Variants in MALRD1 observed in about 807,000 individuals in gnomAD.
MALRD1 encodes MAM and LDL receptor class A domain containing 1.
In MALRD1, 247 loss-of-function variants were observed where a neutral mutation model predicts 242.1. The observed-to-expected ratio is 1.02, with a 90% CI of 0.92 to 1.13. The LOEUF (loss-of-function observed/expected upper bound fraction) is 1.13. Among genes scored for constraint, MALRD1 ranks in the 50% most tolerant of loss-of-function variants. The probability of loss-of-function intolerance (pLI) is 0.00; values close to 1 mark genes in which losing one functional copy is unlikely to be tolerated. For synonymous variants in MALRD1, 995 were observed against 866.6 expected (o/e 1.15, Z -2.60); for missense variants, 2,989 against 2,533.1 (o/e 1.18, Z -3.86).
intron 2 of MALRD1, among the ~76,000 whole-genome samples, chr10:19,086,311 A>C (rs1442565630): frequency 1.3e-5 from 2 of 152,040 alleles, no homozygotes; most frequent in South Asian, 4.1e-4. Flanking sequence ...ATCTGGCTTT[A>C]AAATACCACT....
intron 31 of MALRD1, among the ~76,000 whole-genome samples, chr10:19,516,244 T>C (rs1833622052): frequency 1.3e-5 from 2 of 152,202 alleles, no homozygotes; most frequent in African/African-American, 4.8e-5. Context: ...TTTGTGTTAG[T>C]TTCTATCTTA....
At chr10:19,334,127 T>G (rs900890059) in intron 24 of MALRD1, among the ~76,000 whole-genome samples, 1 of 147,038 alleles carries the variant, frequency 6.8e-6, no homozygotes, top group Admixed American at 6.8e-5. Context: ...AGGTTTTTTT[T>G]TTTTTTTTTT....
chr10:19,273,608 A>C (rs1272631210), intron 19 of MALRD1, among the ~76,000 whole-genome samples: 2 of 152,218 alleles, frequency 1.3e-5, no homozygotes, highest in Admixed American at 6.5e-5. Flanking sequence ...CCTGTTACTA[A>C]GCAGAAGAAG....
At chr10:19,282,125 C>G (rs1275790237) in intron 20 of MALRD1, among the ~76,000 whole-genome samples, 2 of 151,918 alleles carry the variant, frequency 1.3e-5, no homozygotes, top group African/African-American at 4.8e-5. Context: ...TCCGATAGTT[C>G]TATTAAAAGC....
chr10:19,526,365 A>ACATATAT, intron 31 of MALRD1, among the ~76,000 whole-genome samples: 1 of 149,022 alleles, frequency 6.7e-6, no homozygotes, highest in South Asian at 2.1e-4. Flanking sequence ...CCAAAAAAAA[A>ACATATAT]ATACATATAT....
rs1564462027 is a variant in MALRD1 at position 19,200,660 on chromosome 10, T to TTTTTTTTTGTTTTTG, written c.1952-3060_1952-3059insGTTTTTGTTTTTTTT. Among the ~76,000 whole-genome samples the TTTTTTTTTGTTTTTG allele has an allele frequency of 3.0e-4, 44 of 147,214 alleles. 1 individual carries two copies. The highest frequency in any genetic ancestry group is 8.2e-4 in the Admixed American group (12 of 14,616). ...CCTGCTTGAGGTTTTTTTTTTTTTT[T>TTTTTTTTTGTTTTTG]TTTTTTTTTTTGGCTTCTACATAAA... On this transcript the variant is annotated intron_variant, in intron 14 of 39. Coordinates refer to ENST00000454679, the MANE Select transcript of MALRD1 (RefSeq NM_001142308.3).
intron 32 of MALRD1, among the ~76,000 whole-genome samples, chr10:19,554,017 A>G (rs1835604894): frequency 6.6e-6 from 1 of 152,180 alleles, no homozygotes; most frequent in Admixed American, 6.6e-5. Flanking sequence ...AATAAGCAAA[A>G]CATACAAAAT....
At chr10:19,098,793 A>G (rs989382621) in intron 4 of MALRD1, among the ~76,000 whole-genome samples, 3 of 152,186 alleles carry the variant, frequency 2.0e-5, no homozygotes, top group African/African-American at 7.2e-5. Flanking sequence ...AGGTGAAAGA[A>G]AGAGAAGAGC....
chr10:19,504,664 ATTTTTTTTT>A (rs759213931), intron 31 of MALRD1, among the ~76,000 whole-genome samples: 7 of 97,590 alleles, frequency 7.2e-5, no homozygotes, highest in East Asian at 3.2e-4. Flanking sequence ...ATTGTAACAC[ATTTTTTTTT>A]TTTTTTTTTT....
At chr10:19,542,972 C>T (rs1328219152) in intron 32 of MALRD1, among the ~76,000 whole-genome samples, 6 of 152,056 alleles carry the variant, frequency 3.9e-5, no homozygotes, top group Non-Finnish European at 8.8e-5. Flanking sequence ...TTGTAGTTTC[C>T]ATGGAAATCC....
intron 31 of MALRD1, 25 bp from the exon 32 acceptor site, chr10:19,531,169 A>G (rs1403955450): frequency 1.3e-6 from 2 of 1,531,890 alleles, no homozygotes; most frequent in South Asian, 2.4e-5. Flanking sequence ...TTACACTGAA[A>G]AAAATTTTGT....
intron 4 of MALRD1, among the ~76,000 whole-genome samples, chr10:19,102,052 T>C (rs1836282940): frequency 9.7e-6 from 1 of 103,510 alleles, no homozygotes; most frequent in African/African-American, 3.8e-5. Context: ...TTATAATCTA[T>C]ATTATAATAT....
intron 28 of MALRD1, among the ~76,000 whole-genome samples, chr10:19,432,797 T>C (rs2496090): frequency 0.79 from 120,233 of 152,220 alleles, 48,188 homozygotes; most frequent in African/African-American, 0.93. Context: ...TGCTTTTCTG[T>C]AATTCCAATG....
intron 24 of MALRD1, 129 bp downstream of exon 24, chr10:19,331,711 C>A: frequency 1.5e-6 from 1 of 688,710 alleles, no homozygotes; most frequent in Non-Finnish European, 2.4e-6. Flanking sequence ...GGTGATTTAA[C>A]TTGACACATT....
intron 28 of MALRD1, among the ~76,000 whole-genome samples, chr10:19,446,171 C>T (rs1418589129): frequency 1.1e-5 from 1 of 90,480 alleles, no homozygotes; most frequent in African/African-American, 3.7e-5. Flanking sequence ...CCTGATTTTC[C>T]ATGTACCGTC....
Position 19,645,608 on chromosome 10 carries a change from C to G in MALRD1, c.6137+29685C>G, listed in dbSNP as rs145757478. 7.5e-3 allele frequency among the ~76,000 whole-genome samples: 1,137 copies of G among 152,206 alleles called. 14 individuals are homozygous for G. The highest frequency in any genetic ancestry group is 0.025 in the African/African-American group (1,021 of 41,520). ...ATGGGTGAAGCTGGAAACCATCATT[C>G]TCAGCAAACTATCCCAAGGACTAAA... On this transcript the variant is annotated intron_variant, in intron 36 of 39. Coordinates refer to ENST00000454679, the MANE Select transcript of MALRD1 (RefSeq NM_001142308.3).
intron 33 of MALRD1, among the ~76,000 whole-genome samples, chr10:19,592,182 A>G (rs1837824012): frequency 6.6e-6 from 1 of 152,164 alleles, no homozygotes; most frequent in Admixed American, 6.5e-5. Flanking sequence ...TTTAAGGCAG[A>G]CTCCAAATCA....
At chr10:19,580,995 A>G (rs567474328) in intron 33 of MALRD1, among the ~76,000 whole-genome samples, 25 of 152,248 alleles carry the variant, frequency 1.6e-4, no homozygotes, top group African/African-American at 5.8e-4. Flanking sequence ...AATATATGGA[A>G]ATGAAATAAG....
chr10:19,472,592 C>T (rs892982470), intron 29 of MALRD1, among the ~76,000 whole-genome samples: 1 of 151,894 alleles, frequency 6.6e-6, no homozygotes, highest in Admixed American at 6.6e-5. Context: ...CATTATTGGT[C>T]TGTTCAGGTT....
Sources: allele counts gnomAD v4.1 joint callset (sites outside exome capture counted in the v4.1 genomes callset), GRCh38; gene constraint gnomAD v4.1.1; transcripts MANE v1.5; gene names NCBI Gene and HGNC (gene_info 2026-07-23, HGNC 2026-07-21).